Variants in PRKN observed in about 807,000 individuals in gnomAD.
PRKN encodes the protein E3 ubiquitin-protein ligase parkin.
Under a neutral mutation model 59.5 loss-of-function variants are expected in PRKN, and 56 were observed. That is an observed-to-expected ratio of 0.94 (90% CI 0.76 to 1.18). The LOEUF (loss-of-function observed/expected upper bound fraction) is 1.18, where lower values mean the gene tolerates loss of function less well. Among genes scored for constraint, PRKN ranks in the 50% most tolerant of loss-of-function variants. The pLI is 0.00. For missense variants in PRKN, 657 were observed against 596.4 expected, an observed-to-expected ratio of 1.10 and a Z score of -1.06; for synonymous variants, 250 against 222.1, an observed-to-expected ratio of 1.13 and a Z score of -1.12.
chr6:162,349,477 A>C (rs1253745086), intron 2 of PRKN, among the ~76,000 whole-genome samples: 5 of 152,094 alleles, frequency 3.3e-5, no homozygotes, highest in Admixed American at 2.0e-4. Flanking sequence ...AAACAAACAA[A>C]TAAACAAACA....
chr6:162,132,994 G>C (rs1781430622), intron 4 of PRKN, among the ~76,000 whole-genome samples: 2 of 152,198 alleles, frequency 1.3e-5, no homozygotes, highest in South Asian at 4.1e-4. Context: ...GCCATTGTCG[G>C]GGCAGCAGAA....
chr6:162,487,068 C>A (rs1792580419), intron 1 of PRKN, among the ~76,000 whole-genome samples: 2 of 150,946 alleles, frequency 1.3e-5, no homozygotes, highest in African/African-American at 2.4e-5. Flanking sequence ...AGACTCTAGT[C>A]TCAAAAAAAA....
chr6:161,530,802 G>A lies in PRKN; in HGVS notation c.1083+18052C>T, dbSNP rs1020827938. 4.6e-5 allele frequency among the ~76,000 whole-genome samples: 7 copies of A among 151,982 alleles called. No individual in the cohort carries two copies. Among genetic ancestry groups the A allele is most frequent in the Non-Finnish European group, 1.0e-4 (7 of 67,990 alleles). ...CAAAGTGCTGGGATTACAGGCGTGA[G>A]CCACCACACCTGGCCCAAGGCTTGC... On this transcript the variant is annotated intron_variant, in intron 9 of 11. Coordinates refer to ENST00000366898, the MANE Select transcript of PRKN (RefSeq NM_004562.3). The surrounding 1 kb of genome is among the most constrained non-coding windows in gnomAD (Gnocchi z 5.0).
chr6:161,501,108 C>T (rs920636225), intron 9 of PRKN, among the ~76,000 whole-genome samples: 5 of 152,054 alleles, frequency 3.3e-5, no homozygotes, highest in African/African-American at 7.2e-5. Flanking sequence ...CTCCTGACCT[C>T]GTGATCTGCC....
chr6:161,556,278 G>C (rs16892792), intron 8 of PRKN, among the ~76,000 whole-genome samples: 3 of 151,848 alleles, frequency 2.0e-5, no homozygotes, highest in Non-Finnish European at 2.9e-5. Context: ...TAACATATGC[G>C]CCTGGGAATT....
At chr6:162,169,632 T>C (rs1398288872) in intron 4 of PRKN, among the ~76,000 whole-genome samples, 1 of 152,216 alleles carries the variant, frequency 6.6e-6, no homozygotes, top group Non-Finnish European at 1.5e-5. Flanking sequence ...GTTGGATGAA[T>C]ATTTTTAATT....
At chr6:162,021,618 G>A (rs532782767) in intron 5 of PRKN, among the ~76,000 whole-genome samples, 29 of 152,032 alleles carry the variant, frequency 1.9e-4, no homozygotes, top group Middle Eastern at 3.4e-3. Context: ...ATTACTGTGC[G>A]TACAAATCAC....
chr6:162,409,848 AC>A (rs2128154004), intron 2 of PRKN, among the ~76,000 whole-genome samples: 1 of 152,286 alleles, frequency 6.6e-6, no homozygotes, highest in South Asian at 2.1e-4. Context: ...AGTAAAACCA[AC>A]TTTTTTACCA....
chr6:162,168,830 G>A (rs1783116124), intron 4 of PRKN, among the ~76,000 whole-genome samples: 1 of 152,090 alleles, frequency 6.6e-6, no homozygotes, highest in Non-Finnish European at 1.5e-5. Context: ...AAAAATGCAT[G>A]AACCATTCCA....
intron 7 of PRKN, among the ~76,000 whole-genome samples, chr6:161,672,716 C>T (rs1339059466): frequency 6.6e-6 from 1 of 151,984 alleles, no homozygotes; most frequent in African/African-American, 2.4e-5. Context: ...GTGGAGGTTG[C>T]AGTAAGCCGA....
At position 161,502,877 on chromosome 6, in the gene PRKN, G is replaced by T. The variant is rs907034173; in HGVS notation, c.1083+45977C>A. ...AAAACCTGACTCCACAGCTTAGTAGGTGCGTAACCCTGGGGATGTCGCTTA... is the reference window on the plus strand; with the variant it reads ...AAAACCTGACTCCACAGCTTAGTAGTTGCGTAACCCTGGGGATGTCGCTTA... On this transcript the variant is annotated intron_variant, in intron 9 of 11. Coordinates refer to ENST00000366898, the MANE Select transcript of PRKN (RefSeq NM_004562.3). The surrounding 1 kb of genome is among the most constrained non-coding windows in gnomAD (Gnocchi z 4.0). 6.6e-6 allele frequency among the ~76,000 whole-genome samples: 1 copy of T among 152,108 alleles called. No individual in the cohort carries two copies. Among genetic ancestry groups the T allele is most frequent in the East Asian group, 1.9e-4 (1 of 5,176 alleles).
chr6:162,167,606 C>T (rs1783045534), intron 4 of PRKN, among the ~76,000 whole-genome samples: 1 of 80,254 alleles, frequency 1.2e-5, no homozygotes, highest in African/African-American at 4.1e-5. Context: ...TCTGAAATAA[C>T]AGGGATTTTT....
At chr6:162,574,344 TTACATCTTGA>T (rs1258287091) in intron 1 of PRKN, among the ~76,000 whole-genome samples, 1 of 151,864 alleles carries the variant, frequency 6.6e-6, no homozygotes, top group African/African-American at 2.4e-5. Flanking sequence ...TGCTTCAAGG[TTACATCTTGA>T]AACCCAAGAG....
chr6:161,598,838 G>A (rs1782010963), intron 7 of PRKN, among the ~76,000 whole-genome samples: 1 of 152,166 alleles, frequency 6.6e-6, no homozygotes, highest in South Asian at 2.1e-4. Context: ...TCCCCAAAGA[G>A]ATATGTTCAA....
chr6:162,307,037 C>T (rs994365536), intron 2 of PRKN, among the ~76,000 whole-genome samples: 1 of 152,152 alleles, frequency 6.6e-6, no homozygotes, highest in African/African-American at 2.4e-5. Flanking sequence ...GGCCAATCCC[C>T]ACCCACCTAT....
chr6:161,743,259 GCCC>G (rs1788269848), intron 7 of PRKN, among the ~76,000 whole-genome samples: 1 of 114,048 alleles, frequency 8.8e-6, no homozygotes, highest in Non-Finnish European at 1.6e-5. Context: ...TCTCTCTGTC[GCCC>G]AGGCTGGAGT....
In PRKN at chr6:162,065,976, G is replaced by A. The variant is rs906395300; in HGVS notation, c.535-11802C>T. Among the ~76,000 whole-genome samples the A allele has an allele frequency of 5.3e-5, 8 of 152,146 alleles. No individual in the cohort carries two copies. In the East Asian group the frequency reaches 1.3e-3, roughly 26 times the overall value. ...TTCTTATTCCAGTCTATCATTGATG[G>A]ACATTTGGGTTGGTTCCAAGTCTTT... On this transcript the variant is annotated intron_variant, in intron 4 of 11. Coordinates refer to ENST00000366898, the MANE Select transcript of PRKN (RefSeq NM_004562.3).
At chr6:161,924,404 T>A (rs1778894295) in intron 6 of PRKN, among the ~76,000 whole-genome samples, 1 of 152,218 alleles carries the variant, frequency 6.6e-6, no homozygotes, top group African/African-American at 2.4e-5. Context: ...CCTCCTAGTT[T>A]GCGTTTAATG....
At chr6:162,483,835 C>T (rs1317352358) in intron 1 of PRKN, among the ~76,000 whole-genome samples, 1 of 152,120 alleles carries the variant, frequency 6.6e-6, no homozygotes, top group African/African-American at 2.4e-5. Flanking sequence ...CTACTAATTG[C>T]AAGATTGCTT....
Sources: gnomAD v4.1 joint callset for allele counts (sites outside exome capture counted in the v4.1 genomes callset) on GRCh38, gnomAD v4.1.1 for gene constraint, Gnocchi (gnomAD v3.1) non-coding constraint, MANE v1.5 for transcripts, NCBI Gene and HGNC (gene_info 2026-07-23, HGNC 2026-07-21) for gene names.